The following IHO1 variants were observed in gnomAD, a reference collection of about 807,000 sequenced individuals.
IHO1 encodes the protein interactor of HORMAD1 protein 1.
Under a neutral mutation model 31.0 loss-of-function variants are expected in IHO1, and 13 were observed. That is an observed-to-expected ratio of 0.42 (90% CI 0.27 to 0.67). The LOEUF is 0.67. Among genes scored for constraint, IHO1 ranks in the 30% least tolerant of loss-of-function variants. The probability of loss-of-function intolerance (pLI) is 0.24; values close to 1 mark genes in which losing one functional copy is unlikely to be tolerated. For missense variants in IHO1, 599 were observed against 687.5 expected (o/e 0.87, Z 1.44); for synonymous variants, 221 against 248.4 (o/e 0.89, Z 1.04).
intron 3 of IHO1, among the ~76,000 whole-genome samples, chr3:49,237,312 A>T (rs2107720481): frequency 6.6e-6 from 1 of 152,242 alleles, no homozygotes; most frequent in Non-Finnish European, 1.5e-5. Context: ...AAACCACTGA[A>T]CTCTATCCTG....
chr3:49,235,527 C>T (rs997889739), intron 2 of IHO1, among the ~76,000 whole-genome samples: 6 of 152,168 alleles, frequency 3.9e-5, no homozygotes, highest in Non-Finnish European at 8.8e-5. Context: ...CGCACCCGGC[C>T]GATTATATAT....
chr3:49,238,065 C>T (rs150057812), intron 3 of IHO1, among the ~76,000 whole-genome samples: 4 of 151,710 alleles, frequency 2.6e-5, no homozygotes, highest in Admixed American at 6.6e-5. Context: ...CCACCACACA[C>T]GGCTGATTTT....
chr3:49,223,189 A>G (rs2046375009), intron 2 of IHO1, among the ~76,000 whole-genome samples: 1 of 152,170 alleles, frequency 6.6e-6, no homozygotes, highest in South Asian at 2.1e-4. Flanking sequence ...TGAGCCCCAT[A>G]TTGTGAGGAG....
intron 3 of IHO1, among the ~76,000 whole-genome samples, chr3:49,239,709 C>T (rs2046606122): frequency 6.7e-6 from 1 of 149,926 alleles, no homozygotes; most frequent in South Asian, 2.1e-4. Flanking sequence ...GTTGCCCAGA[C>T]TGGAGTGCAA....
At chr3:49,195,248 C>T (rs1435009884), upstream of IHO1, among the ~76,000 whole-genome samples, 1 of 151,264 alleles carries the variant, frequency 6.6e-6, no homozygotes, top group Non-Finnish European at 1.5e-5. Flanking sequence ...GGTGAAACCC[C>T]GTCTCTACTA....
chr3:49,217,352 G>A (rs2046300419), intron 2 of IHO1, among the ~76,000 whole-genome samples: 1 of 151,958 alleles, frequency 6.6e-6, no homozygotes, highest in Non-Finnish European at 1.5e-5. Context: ...CATGGATAAA[G>A]CTGGAAACCA....
upstream of IHO1, among the ~76,000 whole-genome samples, chr3:49,195,134 C>T (rs1041179140): frequency 6.6e-6 from 1 of 151,718 alleles, no homozygotes; most frequent in Admixed American, 6.6e-5. Flanking sequence ...AAATAAAAAG[C>T]ATGGGCTGGC....
chr3:49,244,568 A>T (rs2046672604), intron 5 of IHO1, 78 bp from the exon 6 acceptor site: 1 of 1,383,608 alleles, frequency 7.2e-7, no homozygotes, highest in East Asian at 2.3e-5. Context: ...ATCCCTATTT[A>T]TCATGAAATG....
At chr3:49,235,658 T>C (rs575281041) in intron 2 of IHO1, among the ~76,000 whole-genome samples, 1 of 152,188 alleles carries the variant, frequency 6.6e-6, no homozygotes, top group Admixed American at 6.5e-5. Context: ...CTGGGTGCAA[T>C]GGCTCATGAC....
intron 2 of IHO1, among the ~76,000 whole-genome samples, chr3:49,222,945 C>T (rs1387975250): frequency 6.6e-6 from 1 of 152,132 alleles, no homozygotes; most frequent in Non-Finnish European, 1.5e-5. Context: ...GAGTATGGTC[C>T]TTCCTACAAA....
intron 2 of IHO1, among the ~76,000 whole-genome samples, chr3:49,214,241 T>C (rs1203508252): frequency 6.6e-6 from 1 of 152,090 alleles, no homozygotes; most frequent in Non-Finnish European, 1.5e-5. Context: ...TGTTCAGATA[T>C]ATGTTCAGTT....
chr3:49,194,292 GTATATATATATATATA>G (rs141683116), upstream of IHO1, among the ~76,000 whole-genome samples: 12,607 of 120,164 alleles, frequency 0.1, 708 homozygotes, highest in Middle Eastern at 0.13. Context: ...AGTACAAAGT[GTATATATATATATATA>G]TATATATATA....
chr3:49,210,032 T>C (rs1403198914), intron 1 of IHO1, among the ~76,000 whole-genome samples: 5 of 149,704 alleles, frequency 3.3e-5, no homozygotes, highest in Non-Finnish European at 7.4e-5. Flanking sequence ...TTTCTTTCTT[T>C]TTTTTTTTTT....
intron 1 of IHO1, among the ~76,000 whole-genome samples, chr3:49,201,932 C>G (rs947295016): frequency 6.6e-6 from 1 of 152,042 alleles, no homozygotes; most frequent in African/African-American, 2.4e-5. Context: ...GGAAAGAAAA[C>G]CATATATTTT....
chr3:49,213,751 G>T (rs991772092), intron 2 of IHO1, among the ~76,000 whole-genome samples: 3 of 152,238 alleles, frequency 2.0e-5, no homozygotes, highest in African/African-American at 4.8e-5. Context: ...GGCCTGCCAA[G>T]CCCATGCCCA....
chr3:49,199,244 G>A (rs2046022599), upstream of IHO1: 1 of 152,758 alleles, frequency 6.5e-6, no homozygotes, highest in East Asian at 1.9e-4. Context: ...GCAGCTTGGC[G>A]GGGCCCACAA....
chr3:49,242,237 T>G (rs1163595378), intron 4 of IHO1, among the ~76,000 whole-genome samples: 1 of 151,956 alleles, frequency 6.6e-6, no homozygotes, highest in African/African-American at 2.4e-5. Flanking sequence ...GCCACCGCAG[T>G]CTTCCCACCT....
intron 2 of IHO1, among the ~76,000 whole-genome samples, chr3:49,222,403 G>A (rs952760563): frequency 6.6e-6 from 1 of 152,084 alleles, no homozygotes; most frequent in African/African-American, 2.4e-5. Context: ...GGATAGATAG[G>A]CAAAGAGTAA....
chr3:49,244,863 G>A (rs762971409), intron 6 of IHO1, 130 bp downstream of exon 6: 3 of 800,118 alleles, frequency 3.7e-6, no homozygotes, highest in Non-Finnish European at 6.5e-6. Context: ...GGGTATATAG[G>A]GTTAGTCCTG....
Sources: allele counts gnomAD v4.1 joint callset (sites outside exome capture counted in the v4.1 genomes callset), GRCh38; gene constraint gnomAD v4.1.1; transcripts MANE v1.5; gene names NCBI Gene and HGNC (gene_info 2026-07-23, HGNC 2026-07-21).